Variants in GMDS observed in about 807,000 individuals in gnomAD.
The protein encoded by GMDS is GDP-mannose 4,6-dehydratase, also known as GDP-mannose 4,6 dehydratase.
In GMDS, 20 loss-of-function variants were observed where a neutral mutation model predicts 49.9. The ratio of observed to expected loss-of-function variants is 0.40; its 90% CI spans 0.28 to 0.58. The LOEUF (loss-of-function observed/expected upper bound fraction) is 0.58, where lower values mean the gene tolerates loss of function less well. Among genes scored for constraint, GMDS ranks in the 20% least tolerant of loss-of-function variants. The pLI is 0.42. For missense variants in GMDS, 362 were observed against 481.4 expected, an observed-to-expected ratio of 0.75 and a Z score of 2.32; for synonymous variants, 177 against 178.6, an observed-to-expected ratio of 0.99 and a Z score of 0.07.
intron 4 of GMDS, among the ~76,000 whole-genome samples, chr6:1,993,106 C>T (rs1328746786): frequency 6.6e-6 from 1 of 152,104 alleles, no homozygotes; most frequent in East Asian, 1.9e-4. Flanking sequence ...GCTCACAGTG[C>T]TCTGTCACCT....
chr6:1,832,386 C>T (rs1335761313), intron 7 of GMDS, among the ~76,000 whole-genome samples: 1 of 150,206 alleles, frequency 6.7e-6, no homozygotes, highest in African/African-American at 2.4e-5. Context: ...GAGTGAGACT[C>T]TCTATACCCC....
In GMDS at chr6:1,624,442, C is replaced by A. The variant is rs376798772; in HGVS notation, c.1056+30G>T. Reference sequence around the variant, plus strand: ...CGCCCTGCAGCCCGGGGCCCCGCAGCGGGCGGCGTGCGCCCTAAGAGATAC... The same window carrying A: ...CGCCCTGCAGCCCGGGGCCCCGCAGAGGGCGGCGTGCGCCCTAAGAGATAC... On this transcript the variant is annotated intron_variant, in intron 10 of 10. Coordinates refer to ENST00000380815, the MANE Select transcript of GMDS (RefSeq NM_001500.4). 57 of 1,585,238 alleles carry A rather than the reference C, an allele frequency of 3.6e-5. No homozygotes were observed. The African/African-American group carries it at 7.0e-4, about 19-fold the overall frequency.
At chr6:1,957,315 T>A (rs1763694078) in intron 6 of GMDS, among the ~76,000 whole-genome samples, 3 of 152,192 alleles carry the variant, frequency 2.0e-5, no homozygotes, top group Admixed American at 2.0e-4. Flanking sequence ...GCTGGAGATG[T>A]ATGAATACAA....
intron 4 of GMDS, among the ~76,000 whole-genome samples, chr6:2,008,510 G>T (rs1767343395): frequency 6.6e-6 from 1 of 152,072 alleles, no homozygotes; most frequent in African/African-American, 2.4e-5. Flanking sequence ...TAACTACTCA[G>T]CTCTTCTACC....
intron 4 of GMDS, among the ~76,000 whole-genome samples, chr6:2,048,025 T>C (rs1331975037): frequency 6.6e-6 from 1 of 152,172 alleles, no homozygotes; most frequent in East Asian, 1.9e-4. Context: ...CTAAAAAATG[T>C]ATGGTGCAAT....
intron 4 of GMDS, among the ~76,000 whole-genome samples, chr6:2,100,633 T>C (rs1773866870): frequency 6.6e-6 from 1 of 151,950 alleles, no homozygotes; most frequent in Non-Finnish European, 1.5e-5. Context: ...AGACTATTAA[T>C]AAAAACTAAA....
intron 9 of GMDS, among the ~76,000 whole-genome samples, chr6:1,672,378 C>G (rs1367287853): frequency 6.6e-6 from 1 of 152,232 alleles, no homozygotes; most frequent in Non-Finnish European, 1.5e-5. Flanking sequence ...TAGGGCCTCT[C>G]TGTGTGTCTG....
intron 4 of GMDS, among the ~76,000 whole-genome samples, chr6:2,050,660 C>T (rs1026926822): frequency 7.2e-5 from 11 of 152,158 alleles, no homozygotes; most frequent in Non-Finnish European, 1.6e-4. Flanking sequence ...TCCAGTAGCA[C>T]ATCAAAAAGT....
rs142341789 is a variant in GMDS at position 1,801,688 on chromosome 6, C to T, written c.772-59102G>A. 2.3e-3 allele frequency among the ~76,000 whole-genome samples: 358 copies of T among 152,348 alleles called. 2 individuals carry two copies. The highest frequency in any genetic ancestry group is 8.4e-3 in the African/African-American group (350 of 41,574). The stretch of plus-strand genomic sequence containing the variant: ...CTGAGCAAATGAGGCCTGGCTCTGG[C>T]GGGCAGCCCCGGGCACAAGCCCCAC... On this transcript the variant is annotated intron_variant, in intron 7 of 10. Transcript: ENST00000380815.
intron 9 of GMDS, among the ~76,000 whole-genome samples, chr6:1,647,581 T>C (rs1763525175): frequency 6.6e-6 from 1 of 152,170 alleles, no homozygotes; most frequent in Non-Finnish European, 1.5e-5. Context: ...GGGTGGCTAA[T>C]GAACAAGGTC....
intron 7 of GMDS, among the ~76,000 whole-genome samples, chr6:1,861,398 C>G (rs957099518): frequency 1.3e-5 from 2 of 152,148 alleles, no homozygotes; most frequent in African/African-American, 4.8e-5. Flanking sequence ...AGGGGCCACT[C>G]CAGTGTGGTG....
At chr6:1,866,975 C>T (rs1286736459) in intron 7 of GMDS, among the ~76,000 whole-genome samples, 1 of 152,188 alleles carries the variant, frequency 6.6e-6, no homozygotes, top group African/African-American at 2.4e-5. Context: ...AAATCGACAA[C>T]AATTTTTAAA....
intron 4 of GMDS, among the ~76,000 whole-genome samples, chr6:1,969,081 G>C (rs996102812): frequency 2.0e-5 from 3 of 151,718 alleles, no homozygotes; most frequent in Non-Finnish European, 2.9e-5. Flanking sequence ...CTAACACGGT[G>C]AAACCCCATC....
At chr6:1,838,766 T>G (rs1336740783) in intron 7 of GMDS, among the ~76,000 whole-genome samples, 1 of 152,196 alleles carries the variant, frequency 6.6e-6, no homozygotes. Flanking sequence ...GTGATTTACT[T>G]AATATAGCCC....
At chr6:1,624,279 C>A (rs1337508056) in intron 10 of GMDS, 48 bp from the exon 11 acceptor site, 1 of 1,544,118 alleles carries the variant, frequency 6.5e-7, no homozygotes, top group Admixed American at 1.7e-5. Flanking sequence ...CCACTCTCTC[C>A]TGGTGACACC....
chr6:1,982,323 C>T (rs1765266384), intron 4 of GMDS, among the ~76,000 whole-genome samples: 1 of 152,176 alleles, frequency 6.6e-6, no homozygotes, highest in Non-Finnish European at 1.5e-5. Flanking sequence ...AAAACCAGCA[C>T]AAGACAAGGA....
At chr6:1,843,709 G>A (rs148648685) in intron 7 of GMDS, among the ~76,000 whole-genome samples, 27 of 152,304 alleles carry the variant, frequency 1.8e-4, no homozygotes, top group African/African-American at 2.4e-4. Context: ...TGGAGGTTGC[G>A]CTGAGCAGAG....
chr6:1,629,082 A>G (rs1243333698), intron 9 of GMDS, among the ~76,000 whole-genome samples: 1 of 152,230 alleles, frequency 6.6e-6, no homozygotes, highest in Admixed American at 6.5e-5. Context: ...AGAGTATCCT[A>G]GTCAAGATTC....
chr6:1,699,212 A>C (rs1443793892), intron 9 of GMDS, among the ~76,000 whole-genome samples: 1 of 152,166 alleles, frequency 6.6e-6, no homozygotes, highest in East Asian at 1.9e-4. Flanking sequence ...GGAAGACTGC[A>C]CATCAGGCTG....
Sources: gnomAD v4.1 joint callset for allele counts (sites outside exome capture counted in the v4.1 genomes callset) on GRCh38, gnomAD v4.1.1 for gene constraint, MANE v1.5 for transcripts, NCBI Gene and HGNC (gene_info 2026-07-23, HGNC 2026-07-21) for gene names.